Variants in AGBL1 observed in about 807,000 individuals in gnomAD.
The protein encoded by AGBL1 is cytosolic carboxypeptidase 4.
AGBL1 carries 130 observed loss-of-function variants against 118.9 expected under a neutral mutation model. The observed-to-expected ratio is 1.09, with a 90% CI of 0.95 to 1.26. AGBL1 has a LOEUF of 1.26. AGBL1 is among the 50% of genes most tolerant of loss of function. The pLI is 0.00. For missense variants in AGBL1, 1,584 were observed against 1,298.1 expected (o/e 1.22, Z -3.38); for synonymous variants, 555 against 478.9 (o/e 1.16, Z -2.08).
intron 24 of AGBL1, among the ~76,000 whole-genome samples, chr15:87,017,568 TAAAAGTA>T (rs548020538): frequency 2.0e-5 from 3 of 152,152 alleles, no homozygotes; most frequent in East Asian, 3.9e-4. Flanking sequence ...GCTTGACTGT[TAAAAGTA>T]AAACAGACAA....
chr15:86,756,412 A>C (rs1215095885), intron 22 of AGBL1, among the ~76,000 whole-genome samples: 1 of 151,806 alleles, frequency 6.6e-6, no homozygotes, highest in Non-Finnish European at 1.5e-5. Context: ...ATCAGTTCAT[A>C]AGATAGACAC....
In AGBL1 at chr15:86,093,986, C is replaced by T. The variant is rs189627206; in HGVS notation, c.51+13963C>T. On this transcript the variant is annotated intron_variant, in intron 1 of 22. Coordinates refer to ENST00000614907, the MANE Select transcript of AGBL1 (RefSeq NM_001386094.1). ...GAATTTGTTAGGTGAGGAAACATTC[C>T]GATTACATTCTAATCTAGTATTGTA... Among the ~76,000 whole-genome samples the T allele has an allele frequency of 4.6e-5, 7 of 151,956 alleles. No homozygotes were observed. The East Asian group carries it at 1.4e-3, about 29-fold the overall frequency.
At chr15:86,731,111 G>T (rs750269657) in intron 22 of AGBL1, among the ~76,000 whole-genome samples, 87 of 152,256 alleles carry the variant, frequency 5.7e-4, no homozygotes, top group Non-Finnish European at 1.1e-3. Context: ...GATTACAGGT[G>T]TAAGCCACTG....
intron 22 of AGBL1, among the ~76,000 whole-genome samples, chr15:86,702,254 C>T (rs2086372933): frequency 6.6e-6 from 1 of 151,986 alleles, no homozygotes; most frequent in African/African-American, 2.4e-5. Context: ...TAAAAAGGAA[C>T]TGACAAGCAA....
intron 17 of AGBL1, among the ~76,000 whole-genome samples, chr15:86,298,286 CTA>C (rs71460469): frequency 0.022 from 1,374 of 62,964 alleles, 65 homozygotes; most frequent in African/African-American, 0.072. Context: ...TATATGGTAA[CTA>C]TATATATATG....
At chr15:86,741,414 A>AAAAAAAAAAAAAAAAAAT (rs1452405568) in intron 22 of AGBL1, among the ~76,000 whole-genome samples, 1 of 133,928 alleles carries the variant, frequency 7.5e-6, no homozygotes. Flanking sequence ...AAAAAAAAAA[A>AAAAAAAAAAAAAAAAAAT]AAAAAAAGAA....
intron 22 of AGBL1, among the ~76,000 whole-genome samples, chr15:86,748,929 G>A (rs1445731110): frequency 6.6e-6 from 1 of 152,070 alleles, no homozygotes; most frequent in Non-Finnish European, 1.5e-5. Context: ...AGTATAGTTT[G>A]AAGTCAGGTA....
At chr15:86,445,305 A>G (rs1436671619) in intron 18 of AGBL1, among the ~76,000 whole-genome samples, 1 of 152,220 alleles carries the variant, frequency 6.6e-6, no homozygotes, top group Non-Finnish European at 1.5e-5. Flanking sequence ...GGTGCTTACA[A>G]AGATATGACT....
At chr15:86,545,625 G>C (rs1481251787) in intron 19 of AGBL1, among the ~76,000 whole-genome samples, 1 of 152,006 alleles carries the variant, frequency 6.6e-6, no homozygotes, top group Non-Finnish European at 1.5e-5. Context: ...TCATCAAATT[G>C]TTTAAAATAC....
intron 21 of AGBL1, among the ~76,000 whole-genome samples, chr15:86,623,194 G>A (rs986397984): frequency 6.6e-6 from 1 of 152,200 alleles, no homozygotes; most frequent in Non-Finnish European, 1.5e-5. Context: ...AGAAGGAATC[G>A]CAAGTGCAAA....
intron 21 of AGBL1, among the ~76,000 whole-genome samples, chr15:86,658,951 A>G (rs771662164): frequency 1.3e-5 from 2 of 152,208 alleles, no homozygotes; most frequent in South Asian, 2.1e-4. Context: ...TGGAGGTTAT[A>G]GTAACGGTCC....
chr15:86,601,857 A>C (rs188831126), intron 21 of AGBL1, among the ~76,000 whole-genome samples: 1 of 152,200 alleles, frequency 6.6e-6, no homozygotes. Context: ...GGAGACAGAC[A>C]GGATAAATAT....
chr15:86,642,316 T>C (rs1466432942), intron 21 of AGBL1, among the ~76,000 whole-genome samples: 2 of 152,212 alleles, frequency 1.3e-5, no homozygotes, highest in Non-Finnish European at 2.9e-5. Flanking sequence ...AAATTTATTG[T>C]CATGCATCTC....
intron 22 of AGBL1, among the ~76,000 whole-genome samples, chr15:86,767,669 T>A (rs1195751219): frequency 6.6e-6 from 1 of 151,976 alleles, no homozygotes; most frequent in Non-Finnish European, 1.5e-5. Context: ...TCCTATCTTA[T>A]AGTAGAGAAA....
intron 17 of AGBL1, among the ~76,000 whole-genome samples, chr15:86,360,589 T>C (rs2080790531): frequency 6.6e-6 from 1 of 151,972 alleles, no homozygotes; most frequent in Non-Finnish European, 1.5e-5. Flanking sequence ...TTTTATCTTT[T>C]TTGGCAGAGT....
chr15:86,795,028 G>T (rs963518334), intron 22 of AGBL1, among the ~76,000 whole-genome samples: 1 of 152,102 alleles, frequency 6.6e-6, no homozygotes, highest in Non-Finnish European at 1.5e-5. Flanking sequence ...GCACCCTGGG[G>T]GATAATCAAT....
At chr15:86,947,962 C>T (rs1433055917) in intron 23 of AGBL1, among the ~76,000 whole-genome samples, 1 of 152,126 alleles carries the variant, frequency 6.6e-6, no homozygotes, top group Non-Finnish European at 1.5e-5. Context: ...TGAAGTTTTT[C>T]TCTACATCAT....
At chr15:86,791,661 A>G (rs554852584) in intron 22 of AGBL1, among the ~76,000 whole-genome samples, 12 of 151,850 alleles carry the variant, frequency 7.9e-5, no homozygotes, top group Non-Finnish European at 1.6e-4. Context: ...AACAGCAGTC[A>G]TTGAATCTTT....
chr15:86,661,916 GTTTC>G (rs1422613197), intron 21 of AGBL1, among the ~76,000 whole-genome samples: 3 of 152,108 alleles, frequency 2.0e-5, no homozygotes, highest in Admixed American at 6.5e-5. Flanking sequence ...AAGATCTAAA[GTTTC>G]TTTCTTCGTT....
Sources: allele counts gnomAD v4.1 joint callset (sites outside exome capture counted in the v4.1 genomes callset), GRCh38; gene constraint gnomAD v4.1.1; transcripts MANE v1.5; gene names NCBI Gene and HGNC (gene_info 2026-07-23, HGNC 2026-07-21).